NR1H3: variants seen among roughly 807,000 people sequenced by gnomAD.
NR1H3 encodes oxysterols receptor LXR-alpha.
NR1H3 carries 19 observed loss-of-function variants against 48.1 expected under a neutral mutation model. That is an observed-to-expected ratio of 0.40 (90% CI 0.28 to 0.58). The LOEUF is 0.58. Ranked by LOEUF, NR1H3 falls within the 20% of genes least tolerant of loss-of-function variation. NR1H3 has a pLI of 0.50. For missense variants in NR1H3, 486 were observed against 595.9 expected, an observed-to-expected ratio of 0.82 and a Z score of 1.92; for synonymous variants, 232 against 227.3, an observed-to-expected ratio of 1.02 and a Z score of -0.19.
chr11:47,252,068 G>GAA (rs77344433), intron 1 of NR1H3, among the ~76,000 whole-genome samples: 2 of 128,668 alleles, frequency 1.6e-5, no homozygotes, highest in Admixed American at 7.8e-5. Context: ...AAAAAAAAAA[G>GAA]AAAAAAAAAA....
At chr11:47,255,615 C>CTTTCTTTCTTTCTTTCTT, upstream of NR1H3, among the ~76,000 whole-genome samples, 1 of 93,214 alleles carries the variant, frequency 1.1e-5, no homozygotes, top group African/African-American at 4.8e-5. Flanking sequence ...CTCTCTCTCT[C>CTTTCTTTCTTTCTTTCTT]TCTTTCTTTC....
chr11:47,258,321 T>G (rs1209853274), intron 1 of NR1H3, 192 bp downstream of exon 1: 1 of 463,098 alleles, frequency 2.2e-6, no homozygotes, highest in East Asian at 1.5e-4. Context: ...AGGTCCTCTA[T>G]GTGAATTGGG....
Position 47,267,980 on chromosome 11 carries a change from T to C in NR1H3, c.1056T>C (p.Asn352=). Residue 352 remains asparagine, a synonymous_variant, in exon 8 of 10, where the codon AAT becomes AAC. Coordinates refer to ENST00000441012, the MANE Select transcript of NR1H3 (RefSeq NM_005693.4). ...GGGCCATGAATGAGCTGCAACTCAATGATGCCGAGTTTGCCTTGCTCATTG... is the reference window on the plus strand; with the variant it reads ...GGGCCATGAATGAGCTGCAACTCAACGATGCCGAGTTTGCCTTGCTCATTG... ...FSRAMNELQL[N]DAEFALLIAI... 1.2e-6 allele frequency: 2 copies of C among 1,614,034 alleles called. No individual in the cohort carries two copies. The highest frequency in any genetic ancestry group is 1.1e-5 in the South Asian group (1 of 91,080).
chr11:47,265,698 C>G (rs1956392533), intron 7 of NR1H3, among the ~76,000 whole-genome samples: 1 of 152,036 alleles, frequency 6.6e-6, no homozygotes, highest in African/African-American at 2.4e-5. Flanking sequence ...ATGGTGAAAT[C>G]CTGTCTCTAC....
intron 6 of NR1H3, 82 bp from the exon 7 acceptor site, chr11:47,261,837 G>A: frequency 6.3e-7 from 1 of 1,596,466 alleles, no homozygotes; most frequent in Non-Finnish European, 8.6e-7. Flanking sequence ...GCAGGGATGA[G>A]GAGAATCGGC....
chr11:47,255,601 C>CTCTT (rs1565178724), upstream of NR1H3, among the ~76,000 whole-genome samples: 4 of 112,694 alleles, frequency 3.5e-5, no homozygotes, highest in African/African-American at 1.6e-4. Flanking sequence ...TTCTTTCTCT[C>CTCTT]TCTCTCTCTC....
chr11:47,266,109 G>A (rs1268243351), intron 7 of NR1H3, among the ~76,000 whole-genome samples: 1 of 152,124 alleles, frequency 6.6e-6, no homozygotes, highest in African/African-American at 2.4e-5. Context: ...ATATTCCCTC[G>A]AGGATGTGAT....
chr11:47,261,118 G>A, intron 4 of NR1H3, 123 bp from the exon 5 acceptor site: 1 of 705,614 alleles, frequency 1.4e-6, no homozygotes. Context: ...ACCCAGTGCT[G>A]TCTGCTTTTC....
intron 1 of NR1H3, among the ~76,000 whole-genome samples, chr11:47,252,337 C>T (rs776128345): frequency 2.3e-4 from 35 of 152,158 alleles, no homozygotes; most frequent in Non-Finnish European, 4.7e-4. Context: ...TCTCGGCTCA[C>T]AGCAACCTCC....
At chr11:47,254,113 T>C (rs1954881088), upstream of NR1H3, among the ~76,000 whole-genome samples, 1 of 152,136 alleles carries the variant, frequency 6.6e-6, no homozygotes, top group Non-Finnish European at 1.5e-5. Context: ...GAAGTCCTGG[T>C]TATAATTCCT....
At chr11:47,265,468 G>A (rs999972417) in intron 7 of NR1H3, among the ~76,000 whole-genome samples, 3 of 152,292 alleles carry the variant, frequency 2.0e-5, no homozygotes, top group Non-Finnish European at 4.4e-5. Context: ...ACTCTGTAGG[G>A]TGCAGAGACT....
chr11:47,259,152 A>G, intron 1 of NR1H3, 28 bp from the exon 2 acceptor site: 1 of 1,613,712 alleles, frequency 6.2e-7, no homozygotes, highest in South Asian at 1.1e-5. Flanking sequence ...CCAGTTCTAG[A>G]AGAGTATAAT....
At chr11:47,257,731 G>A (rs1955323669), upstream of NR1H3, 10 of 984,838 alleles carry the variant, frequency 1.0e-5, no homozygotes, top group Non-Finnish European at 1.2e-5. Context: ...TGCTAAGAGC[G>A]CTGGGTAAGG....
intron 7 of NR1H3, 45 bp downstream of exon 7, chr11:47,262,063 GCTT>G (rs2135650190): frequency 7.2e-7 from 1 of 1,389,852 alleles, no homozygotes; most frequent in Admixed American, 2.1e-5. Context: ...GTGGACAGAT[GCTT>G]CTTTTTTTAT....
chr11:47,266,739 T>G (rs1956525205), intron 7 of NR1H3, among the ~76,000 whole-genome samples: 1 of 151,744 alleles, frequency 6.6e-6, no homozygotes, highest in Non-Finnish European at 1.5e-5. Flanking sequence ...CCTCCCAGAT[T>G]CAAGCAATTC....
intron 4 of NR1H3, among the ~76,000 whole-genome samples, chr11:47,260,876 G>A (rs1184003234): frequency 6.6e-6 from 1 of 152,126 alleles, no homozygotes; most frequent in Non-Finnish European, 1.5e-5. Context: ...CCTGAGATCA[G>A]AAGTCCGAGA....
intron 1 of NR1H3, 169 bp downstream of exon 1, chr11:47,258,298 G>GA: frequency 4.5e-6 from 3 of 668,110 alleles, no homozygotes; most frequent in Non-Finnish European, 5.6e-6. Flanking sequence ...ACTCATGAGG[G>GA]GCTCAGGGGA....
In NR1H3 at chr11:47,260,552, G is replaced by A. The variant is rs761873817; in HGVS notation, c.376G>A (p.Val126Ile). 1.5e-5 allele frequency: 25 copies of A among 1,614,238 alleles called. No individual in the cohort carries two copies. The highest frequency in any genetic ancestry group is 1.9e-5 in the Non-Finnish European group (23 of 1,180,042). The change falls in exon 4 of 10, where the codon GTC becomes ATC. Residue 126 changes from valine to isoleucine, a missense_variant. Physicochemically the swap from Val to Ile is conservative, Grantham distance 29. Coordinates refer to ENST00000441012, the MANE Select transcript of NR1H3 (RefSeq NM_005693.4). ...EGCKGFFRRSVIKGAHYICHS... is the reference protein window; with the variant it reads ...EGCKGFFRRSIIKGAHYICHS... ...CTGCAAGGGATTCTTCCGCCGCAGC[G>A]TCATCAAGGGAGCGCACTACATCTG...
intron 7 of NR1H3, 49 bp downstream of exon 7, chr11:47,262,067 CT>C (rs1163649184): frequency 3.6e-6 from 5 of 1,372,738 alleles, no homozygotes; most frequent in East Asian, 2.3e-5. Context: ...ACAGATGCTT[CT>C]TTTTTTATTT....
Sources: allele counts gnomAD v4.1 joint callset (sites outside exome capture counted in the v4.1 genomes callset), GRCh38; gene constraint gnomAD v4.1.1; transcripts MANE v1.5; gene names NCBI Gene and HGNC (gene_info 2026-07-23, HGNC 2026-07-21).